Variants in MYRIP observed in about 807,000 individuals in gnomAD.
MYRIP encodes rab effector MyRIP.
MYRIP carries 49 observed loss-of-function variants against 98.0 expected under a neutral mutation model. That is an observed-to-expected ratio of 0.50 (90% CI 0.40 to 0.63). The LOEUF (loss-of-function observed/expected upper bound fraction) is 0.63, where lower values mean the gene tolerates loss of function less well. Ranked by LOEUF, MYRIP falls within the 30% of genes least tolerant of loss-of-function variation. The pLI, the probability that MYRIP is intolerant of heterozygous loss-of-function variation, is 0.00. For missense variants in MYRIP, 1,004 were observed against 1,058.2 expected, an observed-to-expected ratio of 0.95 and a Z score of 0.71; for synonymous variants, 404 against 409.5, an observed-to-expected ratio of 0.99 and a Z score of 0.16.
At chr3:39,885,423 C>T in intron 1 of MYRIP, among the ~76,000 whole-genome samples, 1 of 152,036 alleles carries the variant, frequency 6.6e-6, no homozygotes, top group Admixed American at 6.6e-5. Context: ...TCTGGCTGCC[C>T]TTAACATTTT....
chr3:39,999,827 C>G (rs1946472451), intron 2 of MYRIP, among the ~76,000 whole-genome samples: 1 of 151,990 alleles, frequency 6.6e-6, no homozygotes, highest in South Asian at 2.1e-4. Context: ...ACATATACAC[C>G]ATGGAATACT....
chr3:39,831,645 T>C (rs1218504609), intron 1 of MYRIP, among the ~76,000 whole-genome samples: 2 of 152,342 alleles, frequency 1.3e-5, no homozygotes, highest in African/African-American at 2.4e-5. Flanking sequence ...TTGATTTATA[T>C]CTATATTTCA....
intron 2 of MYRIP, among the ~76,000 whole-genome samples, chr3:39,929,223 C>T (rs917974396): frequency 7.2e-5 from 11 of 151,864 alleles, no homozygotes; most frequent in African/African-American, 2.7e-4. Flanking sequence ...GACTTATATG[C>T]TGAAATAAAC....
chr3:40,138,845 C>G (rs974240102), intron 3 of MYRIP, among the ~76,000 whole-genome samples: 20 of 152,172 alleles, frequency 1.3e-4, no homozygotes, highest in Non-Finnish European at 2.2e-4. Context: ...CTCCTTCTAG[C>G]TATTTGACAC....
intron 1 of MYRIP, among the ~76,000 whole-genome samples, chr3:39,840,293 C>G (rs1433295522): frequency 6.6e-6 from 1 of 152,020 alleles, no homozygotes; most frequent in African/African-American, 2.4e-5. Context: ...GGATTGCAAC[C>G]CCTGCCTTTT....
At chr3:40,114,100 T>G (rs1386285875) in intron 3 of MYRIP, among the ~76,000 whole-genome samples, 1 of 152,198 alleles carries the variant, frequency 6.6e-6, no homozygotes, top group East Asian at 1.9e-4. Context: ...AAAACATAAT[T>G]TTCTGCAACA....
chr3:40,188,830 T>C (rs890661262), intron 9 of MYRIP, among the ~76,000 whole-genome samples: 1 of 151,610 alleles, frequency 6.6e-6, no homozygotes, highest in Non-Finnish European at 1.5e-5. Context: ...ACCTCAGTCC[T>C]GGGCCAAGTA....
chr3:40,155,226 G>C (rs1465515184), intron 4 of MYRIP, among the ~76,000 whole-genome samples: 2 of 147,682 alleles, frequency 1.4e-5, no homozygotes, highest in South Asian at 2.1e-4. Flanking sequence ...CCACCTATGA[G>C]TGAGAATATG....
intron 2 of MYRIP, among the ~76,000 whole-genome samples, chr3:39,950,478 G>T (rs1431311973): frequency 2.6e-5 from 4 of 152,062 alleles, no homozygotes; most frequent in African/African-American, 9.7e-5. Flanking sequence ...ATCTGATTAT[G>T]CCCAGCTTTT....
intron 1 of MYRIP, among the ~76,000 whole-genome samples, chr3:39,811,681 G>A (rs1466803035): frequency 6.6e-6 from 1 of 151,546 alleles, no homozygotes; most frequent in East Asian, 1.9e-4. Context: ...GTGTGTGTGT[G>A]TTGTCTCTGA....
intron 1 of MYRIP, among the ~76,000 whole-genome samples, chr3:39,848,216 A>T (rs1397610327): frequency 2.0e-5 from 3 of 152,192 alleles, no homozygotes; most frequent in Non-Finnish European, 2.9e-5. Context: ...CATCATTTAA[A>T]TGTTTCCTCA....
chr3:40,111,923 T>C (rs1949166632), intron 3 of MYRIP, among the ~76,000 whole-genome samples: 1 of 152,192 alleles, frequency 6.6e-6, no homozygotes, highest in Non-Finnish European at 1.5e-5. Flanking sequence ...TGCTAACTAG[T>C]TGTGTATACA....
chr3:39,836,124 G>A (rs1941612567), intron 1 of MYRIP, among the ~76,000 whole-genome samples: 1 of 152,124 alleles, frequency 6.6e-6, no homozygotes, highest in Non-Finnish European at 1.5e-5. Context: ...TGACATGGCT[G>A]GGTCAAATTG....
chr3:40,134,397 G>T (rs546749923), intron 3 of MYRIP, among the ~76,000 whole-genome samples: 1 of 152,382 alleles, frequency 6.6e-6, no homozygotes, highest in South Asian at 2.1e-4. Context: ...AGCTGGAACT[G>T]GGTGGAGCTC....
At chr3:40,177,384 G>A (rs1285513123) in intron 8 of MYRIP, among the ~76,000 whole-genome samples, 1 of 152,154 alleles carries the variant, frequency 6.6e-6, no homozygotes, top group Non-Finnish European at 1.5e-5. Flanking sequence ...ACAGGCTGTG[G>A]AGGGCCCTAA....
intron 1 of MYRIP, among the ~76,000 whole-genome samples, chr3:39,883,405 T>A (rs914103853): frequency 6.6e-6 from 1 of 152,062 alleles, no homozygotes; most frequent in Non-Finnish European, 1.5e-5. Context: ...CAAGTGTAGA[T>A]GAGAAGAAAT....
At chr3:40,250,043 G>T (rs1953324492) in intron 13 of MYRIP, among the ~76,000 whole-genome samples, 179 bp from the exon 14 acceptor site, 1 of 152,096 alleles carries the variant, frequency 6.6e-6, no homozygotes, top group Admixed American at 6.6e-5. Context: ...AGAAAGGCCT[G>T]TGTTTTATTT....
At chr3:40,198,705 A>G (rs150265102) in intron 10 of MYRIP, among the ~76,000 whole-genome samples, 27 of 152,254 alleles carry the variant, frequency 1.8e-4, no homozygotes, top group African/African-American at 6.5e-4. Context: ...ATTTTTGGTT[A>G]TACTCATTAG....
chr3:39,910,948 CTATCA>C (rs1302297717), intron 2 of MYRIP, among the ~76,000 whole-genome samples: 1 of 152,130 alleles, frequency 6.6e-6, no homozygotes, highest in Non-Finnish European at 1.5e-5. Context: ...TTGGCCTTTG[CTATCA>C]AATATTGTTG....
Sources: gnomAD v4.1 joint callset for allele counts (sites outside exome capture counted in the v4.1 genomes callset) on GRCh38, gnomAD v4.1.1 for gene constraint, MANE v1.5 for transcripts, NCBI Gene and HGNC (gene_info 2026-07-23, HGNC 2026-07-21) for gene names.